The following ANK2 variants were observed in gnomAD, a reference collection of about 807,000 sequenced individuals.
ANK2 encodes the protein ankyrin-2.
Under a neutral mutation model 360.5 loss-of-function variants are expected in ANK2, and 83 were observed. The observed-to-expected ratio is 0.23, with a 90% CI of 0.19 to 0.28. The LOEUF (loss-of-function observed/expected upper bound fraction) is 0.28. ANK2 is among the 10% of genes least tolerant of loss of function. The pLI, the probability that ANK2 is intolerant of heterozygous loss-of-function variation, is 1.00. For missense variants in ANK2, 4,201 were observed against 4,795.7 expected, an observed-to-expected ratio of 0.88 and a Z score of 3.66; for synonymous variants, 1,740 against 1,759.5, an observed-to-expected ratio of 0.99 and a Z score of 0.28.
intron 1 of ANK2, among the ~76,000 whole-genome samples, chr4:113,077,951 C>G (rs1293305577): frequency 6.7e-6 from 1 of 150,282 alleles, no homozygotes; most frequent in Non-Finnish European, 1.5e-5. Context: ...AATAGGAAGC[C>G]AAAACACATC....
chr4:113,105,217 A>G (rs750978150), intron 1 of ANK2, among the ~76,000 whole-genome samples: 1 of 152,192 alleles, frequency 6.6e-6, no homozygotes, highest in Non-Finnish European at 1.5e-5. Context: ...ATAATTAGAC[A>G]TCAAAGTTTA....
chr4:113,310,151 G>A (rs2079163513), intron 23 of ANK2, among the ~76,000 whole-genome samples: 1 of 152,150 alleles, frequency 6.6e-6, no homozygotes, highest in Non-Finnish European at 1.5e-5. Context: ...TTGAAATGTA[G>A]GACCCATTTT....
intron 4 of ANK2, among the ~76,000 whole-genome samples, chr4:113,205,468 ATTTATTTCCATT>A (rs1222574224): frequency 1.3e-5 from 2 of 152,054 alleles, no homozygotes; most frequent in East Asian, 3.9e-4. Flanking sequence ...CTCACTGAAA[ATTTATTTCCATT>A]TTTATTGGTT....
chr4:113,284,051 G>A (rs1031735155), intron 18 of ANK2, among the ~76,000 whole-genome samples: 22 of 152,148 alleles, frequency 1.4e-4, no homozygotes, highest in African/African-American at 5.3e-4. Context: ...TACTTCTCTG[G>A]CCTTTATAAA....
intron 1 of ANK2, among the ~76,000 whole-genome samples, chr4:113,137,021 G>A (rs1318559157): frequency 6.6e-6 from 1 of 152,016 alleles, no homozygotes; most frequent in Admixed American, 6.6e-5. Flanking sequence ...GCCTCTCAAA[G>A]TGCTGAGATT....
At chr4:112,965,856 G>GT (rs1378342546) in intron 2 of ANK2, among the ~76,000 whole-genome samples, 1 of 151,780 alleles carries the variant, frequency 6.6e-6, no homozygotes, top group African/African-American at 2.4e-5. Context: ...TAATATTCTG[G>GT]TTATAGCAAA....
At position 112,996,494 on chromosome 4, in the gene ANK2, T is replaced by G. The variant is rs534604634; in HGVS notation, c.21+91980T>G. ...TAAAACATTTACTGTGCTTATAGAA[T>G]GTAATAGGAACAGCACCTTTTATTG... On this transcript the variant is annotated intron_variant, in intron 2 of 30. Coordinates refer to the ANK2 transcript ENST00000503271. Among the ~76,000 whole-genome samples, 3 of 152,322 alleles carry G rather than the reference T, an allele frequency of 2.0e-5. No individual in the cohort carries two copies. The South Asian group carries it at 6.2e-4, about 32-fold the overall frequency.
Position 112,865,031 on chromosome 4 carries a change from C to CAA in ANK2, c.-39-39386_-39-39385dup, listed in dbSNP as rs56149739. Reference sequence around the variant, plus strand: ...TGGGCGACAGAGCGAGACTCCATCTCAAAAAAAAAAAAAAAAAAAAAAAAA... The same window carrying CAA: ...TGGGCGACAGAGCGAGACTCCATCTCAAAAAAAAAAAAAAAAAAAAAAAAAAA... On this transcript the variant is annotated intron_variant, in intron 1 of 30. Coordinates refer to the ANK2 transcript ENST00000503271. Among the ~76,000 whole-genome samples, 34 of 52,508 alleles carry CAA rather than the reference C, an allele frequency of 6.5e-4. 2 individuals carry two copies. Among genetic ancestry groups the CAA allele is most frequent in the African/African-American group, 1.2e-3 (17 of 13,952 alleles). 34.4% of individuals were successfully genotyped at this position (52,508 alleles called of 152,430 possible).
At chr4:113,139,337 T>A (rs536289495) in intron 1 of ANK2, among the ~76,000 whole-genome samples, 1 of 152,362 alleles carries the variant, frequency 6.6e-6, no homozygotes, top group South Asian at 2.1e-4. Flanking sequence ...ATCAGCTGGT[T>A]GCCAGATGGA....
At chr4:112,751,589 G>T in the ANK2 span, among the ~76,000 whole-genome samples, 1 of 151,752 alleles carries the variant, frequency 6.6e-6, no homozygotes, top group Non-Finnish European at 1.5e-5. Context: ...CCTAAAGGAT[G>T]AGAAGGATTA....
intron 1 of ANK2, among the ~76,000 whole-genome samples, chr4:113,105,244 C>A (rs541140267): frequency 6.6e-6 from 1 of 152,118 alleles, no homozygotes; most frequent in South Asian, 2.1e-4. Context: ...TTTATCTGAA[C>A]CGAGATGCAA....
At position 113,277,909 on chromosome 4, in the gene ANK2, C is replaced by T. The variant is rs777474558; in HGVS notation, c.1756C>T (p.Arg586Cys). 5.6e-6 allele frequency: 9 copies of T among 1,613,830 alleles called. No homozygotes were observed. The highest frequency in any genetic ancestry group is 1.3e-5 in the African/African-American group (1 of 75,002). Residue 586 changes from arginine (R) to cysteine (C), a missense_variant, in exon 16 of 46, where the codon CGT (arginine) becomes TGT (cysteine). Physicochemically the swap from Arg to Cys is radical, Grantham distance 180. Coordinates refer to ENST00000357077, the MANE Select transcript of ANK2 (RefSeq NM_001148.6). ...TGTGGCAAAACTTCTCTTGCAACGCCGTGCTGCCGCAGATTCTGCAGGGAA... is the reference window on the plus strand; with the variant it reads ...TGTGGCAAAACTTCTCTTGCAACGCTGTGCTGCCGCAGATTCTGCAGGGAA... ...LDVAKLLLQR[R>C]AAADSAGKNG...
chr4:112,717,182 G>A, the ANK2 span, among the ~76,000 whole-genome samples: 7 of 152,242 alleles, frequency 4.6e-5, no homozygotes, highest in South Asian at 1.5e-3. Flanking sequence ...TGGAAATGTG[G>A]TTCTTCAAAT....
chr4:113,147,558 T>G (rs1223035060), intron 1 of ANK2, among the ~76,000 whole-genome samples: 1 of 152,194 alleles, frequency 6.6e-6, no homozygotes, highest in Non-Finnish European at 1.5e-5. Flanking sequence ...GAGGTGGAAG[T>G]GGACCTGTTT....
chr4:112,906,629 T>G (rs539735285), intron 2 of ANK2, among the ~76,000 whole-genome samples: 1 of 152,262 alleles, frequency 6.6e-6, no homozygotes, highest in African/African-American at 2.4e-5. Flanking sequence ...AGGCAATCTC[T>G]GTAGGATGCG....
chr4:112,821,081 T>C (rs1400583095), intron 1 of ANK2, among the ~76,000 whole-genome samples: 3 of 152,036 alleles, frequency 2.0e-5, no homozygotes, highest in African/African-American at 7.2e-5. Flanking sequence ...CTGGCTAATT[T>C]TTTTTGTATT....
At chr4:113,040,320 A>G (rs2062649685) in intron 2 of ANK2, among the ~76,000 whole-genome samples, 1 of 152,128 alleles carries the variant, frequency 6.6e-6, no homozygotes, top group African/African-American at 2.4e-5. Flanking sequence ...GGCTAAATTT[A>G]ATATTTGTCT....
At chr4:113,369,040 G>A (rs554812486) in intron 42 of ANK2, among the ~76,000 whole-genome samples, 5 of 152,096 alleles carry the variant, frequency 3.3e-5, no homozygotes, top group Admixed American at 3.3e-4. Flanking sequence ...AAATAAAACA[G>A]TTTTTCAGAG....
intron 1 of ANK2, among the ~76,000 whole-genome samples, chr4:113,119,893 G>T (rs1447364154): frequency 6.8e-6 from 1 of 147,976 alleles, no homozygotes; most frequent in Non-Finnish European, 1.5e-5. Flanking sequence ...TTAATTAAAA[G>T]AATATTTGTA....
Sources: allele counts gnomAD v4.1 joint callset (sites outside exome capture counted in the v4.1 genomes callset), GRCh38; gene constraint gnomAD v4.1.1; transcripts MANE v1.5; gene names NCBI Gene and HGNC (gene_info 2026-07-23, HGNC 2026-07-21).